Variants in CDH4 observed in about 807,000 individuals in gnomAD.
CDH4 encodes cadherin 4.
Under a neutral mutation model 86.0 loss-of-function variants are expected in CDH4, and 33 were observed. The ratio of observed to expected loss-of-function variants is 0.38; its 90% CI spans 0.29 to 0.51. The LOEUF (loss-of-function observed/expected upper bound fraction) is 0.51. Ranked by LOEUF, CDH4 falls within the 20% of genes least tolerant of loss-of-function variation. CDH4 has a pLI of 0.86. For missense variants in CDH4, 1,114 were observed against 1,307.4 expected (o/e 0.85, Z 2.28); for synonymous variants, 555 against 549.4 (o/e 1.01, Z -0.14).
intron 2 of CDH4, among the ~76,000 whole-genome samples, chr20:61,667,480 C>A (rs561661541): frequency 6.6e-6 from 1 of 152,234 alleles, no homozygotes; most frequent in East Asian, 1.9e-4. Context: ...CGGATCTTTC[C>A]GCTTTCAAAC....
In CDH4 at chr20:61,521,767, G is replaced by C. The variant is rs947279602; in HGVS notation, c.170-221796G>C. 7.1e-5 allele frequency among the ~76,000 whole-genome samples: 10 copies of C among 140,436 alleles called. No homozygotes were observed. The East Asian group carries it at 1.7e-3, about 24-fold the overall frequency. The allele number at this position is 140,436 out of a possible 152,430, so 92.1% of individuals were successfully genotyped here. ...CCTGGAAGAGCCTCTCAGGATCTCT[G>C]GTTCGTGAGCCCGGCCGTCTGTATC... On this transcript the variant is annotated intron_variant, in intron 2 of 15. Coordinates refer to ENST00000614565, the MANE Select transcript of CDH4 (RefSeq NM_001794.5).
At chr20:61,488,452 G>C (rs2085608150) in intron 2 of CDH4, among the ~76,000 whole-genome samples, 1 of 152,216 alleles carries the variant, frequency 6.6e-6, no homozygotes, top group African/African-American at 2.4e-5. Flanking sequence ...TGGCTCAAAG[G>C]CATCCCACGG....
At chr20:61,631,638 C>T (rs1224803860) in intron 2 of CDH4, among the ~76,000 whole-genome samples, 1 of 152,194 alleles carries the variant, frequency 6.6e-6, no homozygotes, top group African/African-American at 2.4e-5. Flanking sequence ...AGCAAAACTC[C>T]ATCTCTAAAA....
intron 8 of CDH4, among the ~76,000 whole-genome samples, chr20:61,906,167 G>A (rs2054786206): frequency 6.6e-6 from 1 of 152,216 alleles, no homozygotes; most frequent in Non-Finnish European, 1.5e-5. Context: ...GGGCCTCAGG[G>A]GTGGAGAACA....
At chr20:61,307,735 C>T (rs112271610) in intron 2 of CDH4, among the ~76,000 whole-genome samples, 21 of 152,264 alleles carry the variant, frequency 1.4e-4, no homozygotes, top group African/African-American at 4.8e-4. Context: ...TGTCCTGAGC[C>T]TGTAGCCTGC....
chr20:61,756,215 A>G (rs1600951989), intron 3 of CDH4, among the ~76,000 whole-genome samples: 1 of 152,168 alleles, frequency 6.6e-6, no homozygotes, highest in South Asian at 2.1e-4. Flanking sequence ...TGGAGTCTGC[A>G]TCCTGGGCCT....
intron 2 of CDH4, among the ~76,000 whole-genome samples, chr20:61,628,776 C>T (rs1286997394): frequency 1.3e-5 from 2 of 152,220 alleles, no homozygotes; most frequent in Non-Finnish European, 2.9e-5. Flanking sequence ...TGCTCCCCAG[C>T]CCTGCCTCTG....
Position 61,580,016 on chromosome 20 carries a change from A to T in CDH4, c.170-163547A>T, listed in dbSNP as rs187423436. Among the ~76,000 whole-genome samples, 541 of 152,182 alleles carry T rather than the reference A, an allele frequency of 3.6e-3. 2 individuals are homozygous for T. Among genetic ancestry groups the T allele is most frequent in the Admixed American group, 0.015 (235 of 15,290 alleles). On this transcript the variant is annotated intron_variant, in intron 2 of 15. Coordinates refer to ENST00000614565, the MANE Select transcript of CDH4 (RefSeq NM_001794.5). The stretch of plus-strand genomic sequence containing the variant: ...ATCCAGCACCTTCCCCGCCAGTCAC[A>T]TGTTTATCAGCTAGGAAGCAGCTGA...
chr20:61,466,206 TC>T, intron 2 of CDH4, among the ~76,000 whole-genome samples: 1 of 152,342 alleles, frequency 6.6e-6, no homozygotes, highest in African/African-American at 2.4e-5. Context: ...AAGCAGAGTC[TC>T]TTTTTAGATA....
intron 13 of CDH4, among the ~76,000 whole-genome samples, chr20:61,932,008 C>A (rs1307350074): frequency 1.3e-5 from 2 of 152,104 alleles, no homozygotes; most frequent in African/African-American, 4.8e-5. Flanking sequence ...ACCCCAGGGG[C>A]CCTCAGGAAG....
chr20:61,559,386 G>A (rs1179971833), intron 2 of CDH4, among the ~76,000 whole-genome samples: 1 of 152,082 alleles, frequency 6.6e-6, no homozygotes, highest in Non-Finnish European at 1.5e-5. Flanking sequence ...CACTGGGGCT[G>A]GACCGAAGGG....
intron 2 of CDH4, among the ~76,000 whole-genome samples, chr20:61,537,825 G>A (rs1389416764): frequency 6.6e-6 from 1 of 152,232 alleles, no homozygotes; most frequent in African/African-American, 2.4e-5. Context: ...TAGACTAGGA[G>A]AGAATGGTCC....
chr20:61,570,389 A>G, intron 2 of CDH4: 1 of 402,110 alleles, frequency 2.5e-6, no homozygotes, highest in Non-Finnish European at 4.5e-6. Context: ...GGTTGGGACC[A>G]GACGGGCCTG....
intron 7 of CDH4, among the ~76,000 whole-genome samples, chr20:61,887,138 AGG>A (rs1984581868): frequency 1.3e-5 from 2 of 152,030 alleles, no homozygotes; most frequent in Non-Finnish European, 2.9e-5. Flanking sequence ...ATCCCAGAAA[AGG>A]GGGAGATGGG....
chr20:61,558,422 G>C lies in CDH4; in HGVS notation c.170-185141G>C, dbSNP rs183105002. 2.0e-5 allele frequency among the ~76,000 whole-genome samples: 3 copies of C among 152,212 alleles called. No individual in the cohort carries two copies. The East Asian group carries it at 5.8e-4, about 30-fold the overall frequency. On this transcript the variant is annotated intron_variant, in intron 2 of 15. Coordinates refer to ENST00000614565, the MANE Select transcript of CDH4 (RefSeq NM_001794.5). ...AATTCTTTTCAGCGGCAAAAGTGTA[G>C]GTAACTTTGTAAATCCTTTATCTTA...
Position 61,936,818 on chromosome 20 carries a change from A to G in CDH4, c.2626A>G (p.Thr876Ala). The change falls in exon 16 of 16, where the codon ACC (threonine) becomes GCC (alanine). Residue 876 changes from threonine to alanine, a missense_variant. By Grantham distance (58) the Thr-to-Ala change is moderately conservative (BLOSUM62 0). This residue lies in a region of CDH4 where 188 missense variants were observed against 183.8 expected (regional missense o/e 1.02). Coordinates refer to ENST00000614565, the MANE Select transcript of CDH4 (RefSeq NM_001794.5). ...LVFDYEGSGSTAGSVSSLNSS... is the reference protein window; with the variant it reads ...LVFDYEGSGSAAGSVSSLNSS... ...CTTCGACTACGAGGGGAGCGGCTCC[A>G]CCGCAGGCTCCGTCAGCTCCCTGAA... 6.2e-7 allele frequency: 1 copy of G among 1,610,662 alleles called. No homozygotes were observed.
At chr20:61,923,954 C>T (rs1330296015) in intron 10 of CDH4, among the ~76,000 whole-genome samples, 1 of 152,196 alleles carries the variant, frequency 6.6e-6, no homozygotes, top group Non-Finnish European at 1.5e-5. Context: ...AGACACAGGC[C>T]GGCCCGATCC....
chr20:61,446,409 C>A (rs963642251), intron 2 of CDH4, among the ~76,000 whole-genome samples: 1 of 152,180 alleles, frequency 6.6e-6, no homozygotes, highest in Non-Finnish European at 1.5e-5. Context: ...TAAGTTAAAA[C>A]AATTTTAAAT....
At chr20:61,747,243 C>T (rs1001762697) in intron 3 of CDH4, among the ~76,000 whole-genome samples, 1 of 152,096 alleles carries the variant, frequency 6.6e-6, no homozygotes, top group African/African-American at 2.4e-5. Context: ...AGATCGAGAC[C>T]ATCTGGCTAA....
Sources: allele counts gnomAD v4.1 joint callset (sites outside exome capture counted in the v4.1 genomes callset), GRCh38; gene constraint gnomAD v4.1.1; regional missense constraint gnomAD v4.1.1; transcripts MANE v1.5; gene names NCBI Gene and HGNC (gene_info 2026-07-23, HGNC 2026-07-21).